Variants in TRAPPC9 observed in about 807,000 individuals in gnomAD.
TRAPPC9 encodes IKK2 binding protein.
Under a neutral mutation model 124.0 loss-of-function variants are expected in TRAPPC9, and 83 were observed. That is an observed-to-expected ratio of 0.67 (90% CI 0.56 to 0.80). The LOEUF (loss-of-function observed/expected upper bound fraction) is 0.80. Ranked by LOEUF, TRAPPC9 falls within the 30% of genes least tolerant of loss-of-function variation. TRAPPC9 has a pLI of 0.00. For missense variants in TRAPPC9, 1,302 were observed against 1,508.3 expected (o/e 0.86, Z 2.27); for synonymous variants, 638 against 617.5 (o/e 1.03, Z -0.49).
At chr8:140,003,990 T>G (rs2131812836) in intron 18 of TRAPPC9, among the ~76,000 whole-genome samples, 1 of 152,350 alleles carries the variant, frequency 6.6e-6, no homozygotes, top group East Asian at 1.9e-4. Context: ...GTGACATACC[T>G]GTACAACAGA....
At chr8:139,833,675 A>G (rs1419192555) in intron 21 of TRAPPC9, among the ~76,000 whole-genome samples, 2 of 152,226 alleles carry the variant, frequency 1.3e-5, no homozygotes, top group Non-Finnish European at 2.9e-5. Flanking sequence ...AACAGGCAGG[A>G]AAGAGGCATT....
rs1439159395 is a variant in TRAPPC9 at position 140,370,958 on chromosome 8, C to T, written c.1351+6G>A. On this transcript the variant is annotated splice_donor_region_variant and intron_variant, in intron 8 of 22. Coordinates refer to ENST00000438773, the MANE Select transcript of TRAPPC9 (RefSeq NM_001160372.4). ...CACCTTAGCGCCAGCAAGGGGACTCCAGTACCTCTGCTGAAATCTTTGGGA... is the reference window on the plus strand; with the variant it reads ...CACCTTAGCGCCAGCAAGGGGACTCTAGTACCTCTGCTGAAATCTTTGGGA... The T allele has an allele frequency of 6.2e-7, 1 of 1,613,868 alleles. No individual in the cohort carries two copies.
intron 21 of TRAPPC9, among the ~76,000 whole-genome samples, chr8:139,789,489 C>T (rs1361505016): frequency 6.6e-6 from 1 of 152,188 alleles, no homozygotes; most frequent in Non-Finnish European, 1.5e-5. Flanking sequence ...AGGATATCTA[C>T]ATCTCAGACC....
chr8:140,455,927 G>A (rs2071643628), intron 1 of TRAPPC9, among the ~76,000 whole-genome samples: 1 of 152,184 alleles, frequency 6.6e-6, no homozygotes, highest in Non-Finnish European at 1.5e-5. Flanking sequence ...AAGGCCACAT[G>A]TTGTATGATT....
chr8:140,421,396 A>AT, intron 5 of TRAPPC9, among the ~76,000 whole-genome samples: 1 of 152,352 alleles, frequency 6.6e-6, no homozygotes, highest in East Asian at 1.9e-4. Flanking sequence ...TAGTTAACGA[A>AT]TTTACTCTGT....
At chr8:139,973,704 G>A (rs894247672) in intron 19 of TRAPPC9, among the ~76,000 whole-genome samples, 2 of 152,206 alleles carry the variant, frequency 1.3e-5, no homozygotes, top group Admixed American at 6.5e-5. Context: ...GCAGCACCAG[G>A]GAAAAGTCGA....
At position 139,984,990 on chromosome 8, in the gene TRAPPC9, G is replaced by A. The variant is rs1837153335; in HGVS notation, c.2810+3736C>T. On this transcript the variant is annotated intron_variant, in intron 19 of 22. Coordinates refer to ENST00000438773, the MANE Select transcript of TRAPPC9 (RefSeq NM_001160372.4). The surrounding 1 kb of genome is among the most constrained non-coding windows in gnomAD (Gnocchi z 4.3). ...ATGTGTTGCCAATCCCCAGCGAGGA[G>A]GGGCCCTTATTTATTCTTCTCAGCA... is the stretch of plus-strand genomic sequence containing the variant. 6.6e-6 allele frequency among the ~76,000 whole-genome samples: 1 copy of A among 152,206 alleles called. No homozygotes were observed. The highest frequency in any genetic ancestry group is 1.5e-5 in the Non-Finnish European group (1 of 68,042).
chr8:139,959,082 G>C (rs553254876), intron 19 of TRAPPC9, among the ~76,000 whole-genome samples: 730 of 151,692 alleles, frequency 4.8e-3, no homozygotes, highest in Non-Finnish European at 7.0e-3. Flanking sequence ...CCTGCATTCC[G>C]AGTCACACGG....
intron 1 of TRAPPC9, among the ~76,000 whole-genome samples, chr8:140,451,644 CACCTA>C (rs1489766889): frequency 6.6e-6 from 1 of 152,180 alleles, no homozygotes; most frequent in Non-Finnish European, 1.5e-5. Context: ...CTATTCTCAC[CACCTA>C]ACCAGGAGTA....
intron 7 of TRAPPC9, among the ~76,000 whole-genome samples, chr8:140,384,462 G>A (rs1005161022): frequency 6.6e-6 from 1 of 152,200 alleles, no homozygotes; most frequent in Non-Finnish European, 1.5e-5. Flanking sequence ...AGGGATGGAG[G>A]AGGATCTACC....
At chr8:140,439,329 T>A in intron 2 of TRAPPC9, 132 bp from the exon 3 acceptor site, 1 of 986,792 alleles carries the variant, frequency 1.0e-6, no homozygotes, top group African/African-American at 1.6e-5. Flanking sequence ...TAATTTTAAG[T>A]CAGCAATAAT....
chr8:139,794,267 T>C (rs1184995568), intron 21 of TRAPPC9, among the ~76,000 whole-genome samples: 5 of 152,274 alleles, frequency 3.3e-5, no homozygotes, highest in African/African-American at 7.2e-5. Context: ...CCCCTAACGA[T>C]GTGCCGTGGG....
chr8:139,949,646 A>G (rs1834510634), intron 19 of TRAPPC9, among the ~76,000 whole-genome samples: 1 of 152,232 alleles, frequency 6.6e-6, no homozygotes, highest in Admixed American at 6.5e-5. Flanking sequence ...GCCAGTCACA[A>G]CAGAACACAC....
In TRAPPC9 at chr8:140,182,468, C is replaced by T. The variant is rs2062226081; in HGVS notation, c.2556+38991G>A. On this transcript the variant is annotated intron_variant, in intron 17 of 22. Transcript: ENST00000438773. The surrounding 1 kb of genome is among the most constrained non-coding windows in gnomAD (Gnocchi z 4.0). ...CGATAGACAGAAAACAGCTTCACTA[C>T]TGATACATTAGTGTCTGCTAATTCT... Among the ~76,000 whole-genome samples the T allele has an allele frequency of 6.6e-6, 1 of 152,118 alleles. No individual in the cohort carries two copies. The highest frequency in any genetic ancestry group is 2.4e-5 in the African/African-American group (1 of 41,410).
At chr8:139,896,925 C>G (rs1348897893) in intron 20 of TRAPPC9, among the ~76,000 whole-genome samples, 1 of 152,236 alleles carries the variant, frequency 6.6e-6, no homozygotes, top group African/African-American at 2.4e-5. Context: ...TTTACCCCCA[C>G]CATTCTGCCC....
intron 21 of TRAPPC9, among the ~76,000 whole-genome samples, chr8:139,849,915 C>T (rs370282704): frequency 2.6e-5 from 4 of 152,172 alleles, no homozygotes; most frequent in African/African-American, 7.2e-5. Context: ...TGAGGTGGCT[C>T]CTGTCCAGGA....
At chr8:140,297,944 A>T (rs2065859988) in intron 11 of TRAPPC9, among the ~76,000 whole-genome samples, 1 of 152,222 alleles carries the variant, frequency 6.6e-6, no homozygotes, top group Non-Finnish European at 1.5e-5. Flanking sequence ...ACCATAGGGT[A>T]CTAATGGGAA....
intron 9 of TRAPPC9, among the ~76,000 whole-genome samples, chr8:140,348,530 T>TA (rs1014655586): frequency 7.2e-4 from 107 of 149,306 alleles, no homozygotes; most frequent in East Asian, 3.0e-3. Flanking sequence ...TCTCTCCTGC[T>TA]AAAAAAAAAG....
chr8:139,747,485 T>TG (rs57074487), intron 21 of TRAPPC9, among the ~76,000 whole-genome samples: 109,825 of 116,608 alleles, frequency 0.94, 51,918 homozygotes, highest in Non-Finnish European at 0.99. Flanking sequence ...TCAGAGCAGG[T>TG]GGGAGGTGTG....
Sources: gnomAD v4.1 joint callset for allele counts (sites outside exome capture counted in the v4.1 genomes callset) on GRCh38, gnomAD v4.1.1 for gene constraint, Gnocchi (gnomAD v3.1) non-coding constraint, MANE v1.5 for transcripts, NCBI Gene and HGNC (gene_info 2026-07-23, HGNC 2026-07-21) for gene names.